The following L3MBTL4 variants were observed in gnomAD, a reference collection of about 807,000 sequenced individuals.
L3MBTL4 encodes lethal(3)malignant brain tumor-like protein 4.
In L3MBTL4, 70 loss-of-function variants were observed where a neutral mutation model predicts 84.5. The observed-to-expected ratio is 0.83, with a 90% CI of 0.68 to 1.01. The LOEUF (loss-of-function observed/expected upper bound fraction) is 1.01, where lower values mean the gene tolerates loss of function less well. Among genes scored for constraint, L3MBTL4 ranks in the 50% least tolerant of loss-of-function variants. L3MBTL4 has a pLI of 0.00. For missense variants in L3MBTL4, 715 were observed against 754.8 expected (o/e 0.95, Z 0.62); for synonymous variants, 274 against 259.8 (o/e 1.05, Z -0.52).
At chr18:6,027,041 T>C (rs1267779764) in intron 16 of L3MBTL4, among the ~76,000 whole-genome samples, 1 of 152,194 alleles carries the variant, frequency 6.6e-6, no homozygotes, top group Non-Finnish European at 1.5e-5. Context: ...GTTTTTTACT[T>C]TAAGTTCTGG....
chr18:6,350,022 C>T (rs1042523478), intron 1 of L3MBTL4, among the ~76,000 whole-genome samples: 1 of 152,090 alleles, frequency 6.6e-6, no homozygotes, highest in African/African-American at 2.4e-5. Context: ...AGTTTGAGTC[C>T]ACAAATGGCA....
At chr18:6,373,806 C>A (rs2054258638) in intron 1 of L3MBTL4, among the ~76,000 whole-genome samples, 1 of 150,838 alleles carries the variant, frequency 6.6e-6, no homozygotes, top group Non-Finnish European at 1.5e-5. Flanking sequence ...TTTACCACTT[C>A]CATAAACTAA....
intron 10 of L3MBTL4, among the ~76,000 whole-genome samples, chr18:6,231,797 T>A (rs2047010280): frequency 2.0e-5 from 3 of 152,112 alleles, no homozygotes; most frequent in African/African-American, 7.2e-5. Context: ...CTACCAGATT[T>A]TTTTATGTTA....
intron 7 of L3MBTL4, 100 bp from the exon 8 acceptor site, chr18:6,241,549 A>C: frequency 4.7e-6 from 3 of 634,050 alleles, no homozygotes; most frequent in East Asian, 2.8e-5. Flanking sequence ...TTTGGCCATT[A>C]CTTTTAATGG....
chr18:6,013,156 A>G (rs2054811915), intron 16 of L3MBTL4, among the ~76,000 whole-genome samples: 2 of 152,212 alleles, frequency 1.3e-5, no homozygotes. Flanking sequence ...TGATGCCAGA[A>G]GGAATGTCTC....
At chr18:6,048,417 A>G (rs1014137907) in intron 16 of L3MBTL4, among the ~76,000 whole-genome samples, 1 of 152,222 alleles carries the variant, frequency 6.6e-6, no homozygotes, top group African/African-American at 2.4e-5. Flanking sequence ...AATAGCCCAA[A>G]TAGCCAGAGT....
At chr18:6,353,308 GCT>G (rs1424569850) in intron 1 of L3MBTL4, among the ~76,000 whole-genome samples, 3 of 151,610 alleles carry the variant, frequency 2.0e-5, no homozygotes, top group Non-Finnish European at 4.4e-5. Flanking sequence ...CTTATTTGCT[GCT>G]CATCACTTAT....
At chr18:6,081,633 A>G (rs915728484) in intron 15 of L3MBTL4, among the ~76,000 whole-genome samples, 1 of 152,196 alleles carries the variant, frequency 6.6e-6, no homozygotes, top group African/African-American at 2.4e-5. Flanking sequence ...TGCTTTGCAC[A>G]TGTATTTTCT....
chr18:6,160,507 G>T (rs151083558), intron 13 of L3MBTL4, among the ~76,000 whole-genome samples: 1 of 152,118 alleles, frequency 6.6e-6, no homozygotes, highest in East Asian at 1.9e-4. Context: ...CAAGGTGGGC[G>T]GATCACCTGA....
chr18:6,244,214 G>C (rs1217203099), intron 6 of L3MBTL4, among the ~76,000 whole-genome samples: 1 of 152,060 alleles, frequency 6.6e-6, no homozygotes, highest in African/African-American at 2.4e-5. Context: ...ATACCACTGG[G>C]ATTCACAGAT....
chr18:6,041,140 T>C (rs1404848951), intron 16 of L3MBTL4, among the ~76,000 whole-genome samples: 1 of 152,156 alleles, frequency 6.6e-6, no homozygotes, highest in East Asian at 1.9e-4. Flanking sequence ...TGGCCCCAAA[T>C]CTCAGCAAGG....
Position 6,064,734 on chromosome 18 carries a change from T to C in L3MBTL4, c.1444+16147A>G, listed in dbSNP as rs1393670872. ...GACCTTACTGAATTTGTTTATGAGA[T>C]CTAGGAGCTTTTTGGATGAGTCTTT... On this transcript the variant is annotated intron_variant, in intron 16 of 18. Coordinates refer to ENST00000317931, the MANE Select transcript of L3MBTL4 (RefSeq NM_001330559.2). Among the ~76,000 whole-genome samples, 6 of 152,180 alleles carry C rather than the reference T, an allele frequency of 3.9e-5. No homozygotes were observed. In the East Asian group the frequency reaches 1.2e-3, roughly 29 times the overall value.
intron 16 of L3MBTL4, chr18:6,029,987 A>G: frequency 1.0e-6 from 1 of 985,502 alleles, no homozygotes. Context: ...ACACAGCAAC[A>G]TGAAAACCAT....
intron 14 of L3MBTL4, among the ~76,000 whole-genome samples, chr18:6,096,092 G>A (rs1471966919): frequency 6.6e-6 from 1 of 151,016 alleles, no homozygotes. Context: ...GTAATTTCGT[G>A]TCACTACCCC....
chr18:6,111,605 C>G (rs2059197643), intron 14 of L3MBTL4, among the ~76,000 whole-genome samples: 1 of 152,094 alleles, frequency 6.6e-6, no homozygotes, highest in East Asian at 1.9e-4. Flanking sequence ...GAAGAAACAG[C>G]CCGCTGCAAA....
At chr18:6,399,763 T>A (rs28482888) in intron 1 of L3MBTL4, 1 of 152,250 alleles carries the variant, frequency 6.6e-6, no homozygotes, top group African/African-American at 2.4e-5. Flanking sequence ...GGTCTCTATA[T>A]GATATAATGA....
At chr18:5,998,600 G>A (rs912621549) in intron 16 of L3MBTL4, among the ~76,000 whole-genome samples, 5 of 152,168 alleles carry the variant, frequency 3.3e-5, no homozygotes, top group Non-Finnish European at 2.9e-5. Flanking sequence ...GCAAAGAAAG[G>A]GCATTTGGAA....
intron 16 of L3MBTL4, among the ~76,000 whole-genome samples, chr18:6,022,983 C>T (rs887547960): frequency 3.9e-5 from 6 of 152,112 alleles, no homozygotes; most frequent in Admixed American, 3.9e-4. Flanking sequence ...TTCTTAATCC[C>T]ATTAGGCCTC....
At chr18:6,036,358 G>C (rs1414116829) in intron 16 of L3MBTL4, among the ~76,000 whole-genome samples, 1 of 151,630 alleles carries the variant, frequency 6.6e-6, no homozygotes, top group Non-Finnish European at 1.5e-5. Flanking sequence ...CTTCAAGTTT[G>C]CTGATTCTGT....
Sources: allele counts gnomAD v4.1 joint callset (sites outside exome capture counted in the v4.1 genomes callset), GRCh38; gene constraint gnomAD v4.1.1; transcripts MANE v1.5; gene names NCBI Gene and HGNC (gene_info 2026-07-23, HGNC 2026-07-21).